The following C5orf46 variants were observed in gnomAD, a reference collection of about 807,000 sequenced individuals.
The protein encoded by C5orf46 is chromosome 5 open reading frame 46, also known as uncharacterized protein C5orf46.
In C5orf46, 9 loss-of-function variants were observed where a neutral mutation model predicts 8.9. The observed-to-expected ratio is 1.01, with a 90% CI of 0.61 to 1.76. C5orf46 has a LOEUF of 1.76. Among genes scored for constraint, C5orf46 ranks in the 40% most tolerant of loss-of-function variants. The probability of loss-of-function intolerance (pLI) is 0.00; values close to 1 mark genes in which losing one functional copy is unlikely to be tolerated. For synonymous variants in C5orf46, 47 were observed against 41.4 expected (o/e 1.14, Z -0.52); for missense variants, 98 against 107.8 (o/e 0.91, Z 0.40).
At chr5:147,892,411 T>A (rs886682363), downstream of C5orf46, among the ~76,000 whole-genome samples, 9 of 152,342 alleles carry the variant, frequency 5.9e-5, no homozygotes, top group Admixed American at 5.9e-4. Context: ...GAGAGTGGGC[T>A]CAGATAGTTT....
chr5:147,898,744 T>C (rs1189325022), intron 2 of C5orf46, among the ~76,000 whole-genome samples: 1 of 151,998 alleles, frequency 6.6e-6, no homozygotes, highest in African/African-American at 2.4e-5. Flanking sequence ...GGAAAATACA[T>C]CATGGAACCC....
chr5:147,892,471 A>C (rs562550308), downstream of C5orf46, among the ~76,000 whole-genome samples: 2 of 152,306 alleles, frequency 1.3e-5, no homozygotes, highest in African/African-American at 4.8e-5. Context: ...CTGAAATTGC[A>C]TACATTTTTA....
chr5:147,890,749 C>A (rs542876442), downstream of C5orf46, among the ~76,000 whole-genome samples: 10 of 152,102 alleles, frequency 6.6e-5, no homozygotes, highest in Non-Finnish European at 1.2e-4. Flanking sequence ...TATTTAAAGA[C>A]TGACAAGGAT....
chr5:147,896,939 C>T (rs1757589442), intron 3 of C5orf46, 45 bp downstream of exon 3: 3 of 994,852 alleles, frequency 3.0e-6, no homozygotes, highest in African/African-American at 3.3e-5. Flanking sequence ...TTTCCTTTGT[C>T]CAATACACTG....
intron 2 of C5orf46, among the ~76,000 whole-genome samples, chr5:147,900,287 G>T (rs1210192684): frequency 6.6e-6 from 1 of 152,104 alleles, no homozygotes; most frequent in African/African-American, 2.4e-5. Context: ...TTAACAATTT[G>T]TGGAGAAGGA....
intron 1 of C5orf46, among the ~76,000 whole-genome samples, chr5:147,903,919 T>C (rs1437593548): frequency 6.6e-6 from 1 of 152,068 alleles, no homozygotes; most frequent in Admixed American, 6.6e-5. Context: ...GGCTAATTCT[T>C]GTATTTTGTG....
chr5:147,893,898 G>A (rs1428896460), intron 3 of C5orf46, among the ~76,000 whole-genome samples: 1 of 148,002 alleles, frequency 6.8e-6, no homozygotes, highest in African/African-American at 2.7e-5. Context: ...CTGACTTTAG[G>A]GAAGGCATAT....
At chr5:147,901,529 C>T (rs1757668806) in intron 2 of C5orf46, 100 bp downstream of exon 2, 1 of 1,067,732 alleles carries the variant, frequency 9.4e-7, no homozygotes, top group Admixed American at 2.9e-5. Context: ...TTACTTATGC[C>T]ACAAATTTTG....
intron 2 of C5orf46, chr5:147,886,386 A>C (rs2127121253): frequency 6.6e-6 from 1 of 152,182 alleles, no homozygotes; most frequent in Non-Finnish European, 1.5e-5. Context: ...CTTCATGTGA[A>C]TCTATAGTTA....
chr5:147,898,270 G>A (rs1157640852), intron 2 of C5orf46, among the ~76,000 whole-genome samples: 1 of 152,102 alleles, frequency 6.6e-6, no homozygotes, highest in Non-Finnish European at 1.5e-5. Flanking sequence ...CTGAGGAAGA[G>A]AAATGTATAT....
downstream of C5orf46, among the ~76,000 whole-genome samples, chr5:147,889,131 T>C (rs1168470242): frequency 6.6e-6 from 1 of 152,108 alleles, no homozygotes; most frequent in Non-Finnish European, 1.5e-5. Context: ...CAGAATCCTT[T>C]GAAAAGCTGA....
At chr5:147,887,816 C>T (rs1757444165), downstream of C5orf46, 1 of 152,092 alleles carries the variant, frequency 6.6e-6, no homozygotes, top group East Asian at 1.9e-4. Context: ...TTGGAAGAAC[C>T]CATCTTAACC....
chr5:147,904,653 T>C (rs1757722238), intron 1 of C5orf46, among the ~76,000 whole-genome samples: 1 of 152,086 alleles, frequency 6.6e-6, no homozygotes, highest in South Asian at 2.1e-4. Context: ...GAACCCCATA[T>C]ATATTGAGAG....
downstream of C5orf46, chr5:147,887,773 A>G (rs925378536): frequency 1.3e-5 from 2 of 152,208 alleles, no homozygotes; most frequent in Non-Finnish European, 2.9e-5. Context: ...ATTTTAGGTC[A>G]TTTCTATGGA....
At chr5:147,900,839 A>G (rs1456130802) in intron 2 of C5orf46, among the ~76,000 whole-genome samples, 1 of 152,242 alleles carries the variant, frequency 6.6e-6, no homozygotes, top group African/African-American at 2.4e-5. Flanking sequence ...AGTGAATTTC[A>G]TCTTGGAGAA....
At chr5:147,903,657 G>A (rs1298706045) in intron 1 of C5orf46, among the ~76,000 whole-genome samples, 2 of 152,152 alleles carry the variant, frequency 1.3e-5, no homozygotes, top group East Asian at 3.9e-4. Flanking sequence ...ACCAGTTTGG[G>A]ACATATAACC....
intron 2 of C5orf46, chr5:147,886,666 A>G (rs1257509727): frequency 6.6e-6 from 1 of 151,316 alleles, no homozygotes; most frequent in East Asian, 1.9e-4. Flanking sequence ...TGAATGATAC[A>G]TTGCACATAT....
chr5:147,896,937 G>A, intron 3 of C5orf46, 47 bp downstream of exon 3: 1 of 958,840 alleles, frequency 1.0e-6, no homozygotes, highest in Non-Finnish European at 1.6e-6. Flanking sequence ...TTTTTCCTTT[G>A]TCCAATACAC....
chr5:147,893,637 G>C (rs991543457), intron 3 of C5orf46, among the ~76,000 whole-genome samples: 1 of 152,078 alleles, frequency 6.6e-6, no homozygotes, highest in Non-Finnish European at 1.5e-5. Context: ...CTGCCTCCCT[G>C]GTTCAAGCGA....
Sources: gnomAD v4.1 joint callset for allele counts (sites outside exome capture counted in the v4.1 genomes callset) on GRCh38, gnomAD v4.1.1 for gene constraint, MANE v1.5 for transcripts, NCBI Gene and HGNC (gene_info 2026-07-23, HGNC 2026-07-21) for gene names.